ABLIM1: variants seen among roughly 807,000 people sequenced by gnomAD.
The protein encoded by ABLIM1 is actin-binding LIM protein 1.
ABLIM1 carries 40 observed loss-of-function variants against 107.0 expected under a neutral mutation model. That is an observed-to-expected ratio of 0.37 (90% CI 0.29 to 0.49). The LOEUF (loss-of-function observed/expected upper bound fraction) is 0.49. Among genes scored for constraint, ABLIM1 ranks in the 20% least tolerant of loss-of-function variants. ABLIM1 has a pLI of 0.97. For missense variants in ABLIM1, 857 were observed against 1,008.5 expected, an observed-to-expected ratio of 0.85 and a Z score of 2.04; for synonymous variants, 357 against 357.3, an observed-to-expected ratio of 1.00 and a Z score of 0.01.
intron 6 of ABLIM1, among the ~76,000 whole-genome samples, chr10:114,523,042 C>T (rs559457519): frequency 6.6e-6 from 1 of 152,232 alleles, no homozygotes; most frequent in South Asian, 2.1e-4. Flanking sequence ...ATCCCAGTTA[C>T]TCGGAGGGTG....
chr10:114,693,302 T>G (rs1412437908), intron 1 of ABLIM1, among the ~76,000 whole-genome samples: 1 of 152,182 alleles, frequency 6.6e-6, no homozygotes, highest in African/African-American at 2.4e-5. Flanking sequence ...TAGCTAAAAA[T>G]AAACACACAT....
intron 4 of ABLIM1, among the ~76,000 whole-genome samples, chr10:114,562,987 C>T (rs1162115580): frequency 4.6e-5 from 7 of 152,192 alleles, no homozygotes; most frequent in Admixed American, 4.6e-4. Context: ...CACAGCTTTA[C>T]CAGGACACAC....
chr10:114,462,999 A>G, intron 12 of ABLIM1: 1 of 1,306,046 alleles, frequency 7.7e-7, no homozygotes, highest in Non-Finnish European at 1.0e-6. Context: ...GGTGCTAATA[A>G]ATCTCCACTA....
chr10:114,588,498 T>C (rs1304425135), intron 2 of ABLIM1, among the ~76,000 whole-genome samples: 1 of 128,582 alleles, frequency 7.8e-6, no homozygotes, highest in East Asian at 2.2e-4. Context: ...TTTTTTTTTT[T>C]TTTTTTTTTT....
At chr10:114,507,673 A>T (rs2135872868) in intron 6 of ABLIM1, among the ~76,000 whole-genome samples, 1 of 152,322 alleles carries the variant, frequency 6.6e-6, no homozygotes, top group Middle Eastern at 3.4e-3. Flanking sequence ...AGGTGACAGG[A>T]GGGCCTGTTA....
chr10:114,620,573 C>A (rs1318279739), intron 1 of ABLIM1, among the ~76,000 whole-genome samples: 2 of 152,034 alleles, frequency 1.3e-5, no homozygotes, highest in Non-Finnish European at 2.9e-5. Flanking sequence ...TCAGGCCCAG[C>A]TAATTTTTTT....
At chr10:114,787,094 G>A in the ABLIM1 span, among the ~76,000 whole-genome samples, 7 of 151,694 alleles carry the variant, frequency 4.6e-5, no homozygotes, top group African/African-American at 7.3e-5. Context: ...AGTGAGGAGC[G>A]TCTCTGCCCG....
intron 2 of ABLIM1, among the ~76,000 whole-genome samples, chr10:114,576,440 A>G (rs146639042): frequency 2.6e-5 from 4 of 152,242 alleles, no homozygotes; most frequent in Admixed American, 1.3e-4. Flanking sequence ...TAACCTTGCT[A>G]TCCCCAAGGT....
chr10:114,779,115 T>C, the ABLIM1 span: 2 of 151,120 alleles, frequency 1.3e-5, no homozygotes, highest in East Asian at 1.9e-4. Context: ...ATGAAAAAAA[T>C]AATCATTCTT....
chr10:114,526,943 C>G (rs2064873228), intron 6 of ABLIM1: 2 of 985,368 alleles, frequency 2.0e-6, no homozygotes, highest in Admixed American at 6.1e-5. Flanking sequence ...CTTACTAGTT[C>G]AACACACCAG....
chr10:114,778,811 A>G, the ABLIM1 span: 9 of 152,000 alleles, frequency 5.9e-5, no homozygotes, highest in Middle Eastern at 0.014. Flanking sequence ...GTGTAATCCC[A>G]TCTTGTGGAC....
At chr10:114,500,122 C>T (rs2060197730) in intron 6 of ABLIM1, among the ~76,000 whole-genome samples, 2 of 152,246 alleles carry the variant, frequency 1.3e-5, no homozygotes, top group South Asian at 4.1e-4. Context: ...CAAATGAGAA[C>T]ATCCTGTAGC....
chr10:114,529,441 C>G (rs2065223548), intron 6 of ABLIM1, among the ~76,000 whole-genome samples: 1 of 152,114 alleles, frequency 6.6e-6, no homozygotes, highest in Admixed American at 6.6e-5. Flanking sequence ...TCTTTCTACT[C>G]TCCTATATTT....
intron 1 of ABLIM1, among the ~76,000 whole-genome samples, chr10:114,635,448 G>A (rs1037684966): frequency 5.3e-5 from 8 of 152,232 alleles, no homozygotes; most frequent in Non-Finnish European, 1.2e-4. Context: ...CACCTGTAGT[G>A]CAGGAATTTC....
chr10:114,794,073 C>T, the ABLIM1 span, among the ~76,000 whole-genome samples: 3 of 152,156 alleles, frequency 2.0e-5, no homozygotes, highest in African/African-American at 7.2e-5. Flanking sequence ...CCATGGATCC[C>T]ATCTCCTCTT....
At chr10:114,613,511 T>C (rs563272848) in intron 1 of ABLIM1, 4 of 413,252 alleles carry the variant, frequency 9.7e-6, no homozygotes, top group African/African-American at 2.1e-5. Flanking sequence ...CGGCACACCA[T>C]TGTGCCAAAG....
At chr10:114,762,991 C>T (rs1173540695) in intron 1 of ABLIM1, among the ~76,000 whole-genome samples, 1 of 152,186 alleles carries the variant, frequency 6.6e-6, no homozygotes, top group African/African-American at 2.4e-5. Context: ...TCTAAGATTT[C>T]GACAGCACAC....
intron 1 of ABLIM1, among the ~76,000 whole-genome samples, chr10:114,753,775 G>A (rs950355618): frequency 2.6e-5 from 4 of 152,124 alleles, no homozygotes; most frequent in Admixed American, 2.6e-4. Flanking sequence ...CGAACACAAT[G>A]AACAAGGTTA....
At chr10:114,692,786 A>G (rs1390748747) in intron 1 of ABLIM1, among the ~76,000 whole-genome samples, 1 of 152,166 alleles carries the variant, frequency 6.6e-6, no homozygotes, top group Non-Finnish European at 1.5e-5. Context: ...GCTATTCAGG[A>G]GGCTGAGGCA....
Sources: gnomAD v4.1 joint callset for allele counts (sites outside exome capture counted in the v4.1 genomes callset) on GRCh38, gnomAD v4.1.1 for gene constraint, MANE v1.5 for transcripts, NCBI Gene and HGNC (gene_info 2026-07-23, HGNC 2026-07-21) for gene names.